NAV2: variants seen among roughly 807,000 people sequenced by gnomAD.
NAV2 encodes helicase, APC down-regulated 1.
A neutral mutation model predicts 223.2 loss-of-function variants in NAV2; 54 were observed. That is an observed-to-expected ratio of 0.24 (90% CI 0.19 to 0.30). The LOEUF (loss-of-function observed/expected upper bound fraction) is 0.30. Among genes scored for constraint, NAV2 ranks in the 10% least tolerant of loss-of-function variants. The pLI, the probability that NAV2 is intolerant of heterozygous loss-of-function variation, is 1.00. For synonymous variants in NAV2, 1,279 were observed against 1,239.3 expected, an observed-to-expected ratio of 1.03 and a Z score of -0.67; for missense variants, 2,806 against 3,147.5, an observed-to-expected ratio of 0.89 and a Z score of 2.60.
chr11:19,974,077 G>A (rs1019666714), intron 10 of NAV2, among the ~76,000 whole-genome samples: 3 of 152,202 alleles, frequency 2.0e-5, no homozygotes, highest in East Asian at 1.9e-4. Context: ...TAACACAGAG[G>A]GGGCCAAGAG....
intron 1 of NAV2, among the ~76,000 whole-genome samples, chr11:19,423,804 A>G (rs748953421): frequency 1.3e-5 from 2 of 152,136 alleles, no homozygotes; most frequent in South Asian, 2.1e-4. Context: ...GTTGGTAGAG[A>G]TATTTGGGGC....
chr11:19,623,129 G>A (rs1483259148), intron 1 of NAV2, among the ~76,000 whole-genome samples: 2 of 152,240 alleles, frequency 1.3e-5, no homozygotes, highest in East Asian at 1.9e-4. Flanking sequence ...TCTGCTGAGA[G>A]ATTCACTGTT....
At position 19,889,380 on chromosome 11, in the gene NAV2, C is replaced by T. The variant is rs566017832; in HGVS notation, c.771-3054C>T. On this transcript the variant is annotated intron_variant, in intron 5 of 37. Transcript: ENST00000349880. ...AAACTACAGAGTCAACATAGATTCT[C>T]TCTGAATGGTGGGAAAAAGTACATG... Among the ~76,000 whole-genome samples, 9 of 152,300 alleles carry T rather than the reference C, an allele frequency of 5.9e-5. No homozygotes were observed. The South Asian group carries it at 1.0e-3, about 18-fold the overall frequency.
upstream of NAV2, among the ~76,000 whole-genome samples, chr11:19,346,017 T>C (rs1319931942): frequency 6.6e-6 from 1 of 152,028 alleles, no homozygotes. Flanking sequence ...GGCGTCTCTG[T>C]GTTTTCGGTC....
intron 6 of NAV2, among the ~76,000 whole-genome samples, chr11:19,906,705 G>A (rs4757858): frequency 0.22 from 33,166 of 152,096 alleles, 4,030 homozygotes; most frequent in East Asian, 0.44. Flanking sequence ...TCTCTAAGAA[G>A]CAGATGCTGG....
chr11:19,617,441 GA>G (rs1173198859), intron 1 of NAV2, among the ~76,000 whole-genome samples: 1 of 152,128 alleles, frequency 6.6e-6, no homozygotes, highest in East Asian at 1.9e-4. Context: ...GTAATGGGGG[GA>G]TAACAGGCTG....
upstream of NAV2, among the ~76,000 whole-genome samples, chr11:19,348,153 G>A (rs557615505): frequency 8.5e-5 from 13 of 152,286 alleles, no homozygotes; most frequent in South Asian, 1.0e-3. Flanking sequence ...GGGCGTGTGC[G>A]CCGGCTGGTG....
At chr11:19,658,952 G>T (rs566380973) in intron 1 of NAV2, among the ~76,000 whole-genome samples, 1 of 152,166 alleles carries the variant, frequency 6.6e-6, no homozygotes, top group Non-Finnish European at 1.5e-5. Flanking sequence ...TGGGGAAAAC[G>T]AAATCAGCAA....
intron 2 of NAV2, among the ~76,000 whole-genome samples, chr11:19,837,204 A>G (rs1254710702): frequency 1.3e-5 from 2 of 152,220 alleles, no homozygotes; most frequent in African/African-American, 4.8e-5. Context: ...TAGCCACTAA[A>G]TAGAATAGGA....
At chr11:19,598,895 T>TGTGC (rs1050989456) in intron 1 of NAV2, among the ~76,000 whole-genome samples, 6 of 152,208 alleles carry the variant, frequency 3.9e-5, no homozygotes, top group African/African-American at 7.2e-5. Flanking sequence ...TGTGTGTGTG[T>TGTGC]GTGCATTTGG....
chr11:19,905,348 A>G (rs767249790), intron 6 of NAV2, among the ~76,000 whole-genome samples: 13 of 142,280 alleles, frequency 9.1e-5, no homozygotes, highest in Middle Eastern at 3.5e-3. Flanking sequence ...TGTGGTTTCC[A>G]CCATTTAACA....
chr11:19,422,266 C>A (rs1322788372), intron 1 of NAV2, among the ~76,000 whole-genome samples: 3 of 152,154 alleles, frequency 2.0e-5, no homozygotes, highest in African/African-American at 4.8e-5. Flanking sequence ...CGCCTTGGTA[C>A]GTGGTGGTTT....
intron 1 of NAV2, among the ~76,000 whole-genome samples, chr11:19,706,637 A>C (rs979206488): frequency 5.9e-5 from 9 of 152,232 alleles, no homozygotes; most frequent in Non-Finnish European, 1.2e-4. Context: ...TTGAAACTTG[A>C]GAGCCGAGAG....
At chr11:19,809,399 T>C (rs1590664004) in intron 1 of NAV2, among the ~76,000 whole-genome samples, 3 of 152,366 alleles carry the variant, frequency 2.0e-5, no homozygotes, top group African/African-American at 7.2e-5. Context: ...TTGCACACCA[T>C]AGTCAACTAT....
chr11:19,618,304 T>A (rs1027728852), intron 1 of NAV2, among the ~76,000 whole-genome samples: 1 of 146,860 alleles, frequency 6.8e-6, no homozygotes, highest in African/African-American at 2.6e-5. Context: ...CTGGATGGAT[T>A]GCTGGATGGA....
In NAV2 at chr11:19,833,401, G is replaced by A. The variant is rs569317068; in HGVS notation, c.385+800G>A. ...GTGTGAGAAGTAGTCTTTCATAGTT[G>A]GAGCTCTGCTCAAATCCGTGGAGTA... On this transcript the variant is annotated intron_variant, in intron 2 of 37. Transcript: ENST00000349880. 2.0e-4 allele frequency among the ~76,000 whole-genome samples: 31 copies of A among 152,348 alleles called. No individual in the cohort carries two copies. In the South Asian group the frequency reaches 4.8e-3, roughly 23 times the overall value.
At chr11:19,697,701 A>C (rs1036736453) in intron 1 of NAV2, among the ~76,000 whole-genome samples, 1 of 152,152 alleles carries the variant, frequency 6.6e-6, no homozygotes, top group East Asian at 1.9e-4. Flanking sequence ...TGTAACAACT[A>C]GACTGTGAAG....
intron 8 of NAV2, among the ~76,000 whole-genome samples, chr11:19,942,582 A>G (rs2046491098): frequency 6.6e-6 from 1 of 152,256 alleles, no homozygotes; most frequent in Admixed American, 6.5e-5. Context: ...TTTTCCTACA[A>G]CCCCATACTG....
intron 9 of NAV2, among the ~76,000 whole-genome samples, chr11:19,947,907 T>C (rs2047060301): frequency 6.6e-6 from 1 of 151,996 alleles, no homozygotes; most frequent in Non-Finnish European, 1.5e-5. Flanking sequence ...GGGAGGGAGC[T>C]GAGGATGTAA....
Sources: allele counts gnomAD v4.1 joint callset (sites outside exome capture counted in the v4.1 genomes callset), GRCh38; gene constraint gnomAD v4.1.1; transcripts MANE v1.5; gene names NCBI Gene and HGNC (gene_info 2026-07-23, HGNC 2026-07-21).